RGS9: variants seen among roughly 807,000 people sequenced by gnomAD.
The protein encoded by RGS9 is regulator of G-protein signalling 9.
A neutral mutation model predicts 102.0 loss-of-function variants in RGS9; 78 were observed. The ratio of observed to expected loss-of-function variants is 0.76; its 90% CI spans 0.64 to 0.92. The LOEUF is 0.92. Among genes scored for constraint, RGS9 ranks in the 40% least tolerant of loss-of-function variants. The pLI, the probability that RGS9 is intolerant of heterozygous loss-of-function variation, is 0.00. For missense variants in RGS9, 833 were observed against 866.1 expected (o/e 0.96, Z 0.48); for synonymous variants, 353 against 318.6 (o/e 1.11, Z -1.15).
intron 1 of RGS9, among the ~76,000 whole-genome samples, chr17:65,150,895 C>T (rs192721329): frequency 1.1e-4 from 17 of 152,250 alleles, no homozygotes; most frequent in African/African-American, 3.9e-4. Context: ...ACAGCTTTCC[C>T]GTTAGTGAGG....
chr17:65,178,012 A>G (rs1004389549), intron 9 of RGS9, among the ~76,000 whole-genome samples: 1 of 152,186 alleles, frequency 6.6e-6, no homozygotes, highest in South Asian at 2.1e-4. Context: ...ACGACTGAAG[A>G]CAGACAGAGG....
At chr17:65,226,289 G>A (rs1239495482) in intron 18 of RGS9, among the ~76,000 whole-genome samples, 1 of 152,222 alleles carries the variant, frequency 6.6e-6, no homozygotes, top group Non-Finnish European at 1.5e-5. Context: ...ATCAACATGT[G>A]TTTGGCCTCG....
At chr17:65,159,676 T>C (rs918978110) in intron 3 of RGS9, among the ~76,000 whole-genome samples, 1 of 152,116 alleles carries the variant, frequency 6.6e-6, no homozygotes, top group Non-Finnish European at 1.5e-5. Context: ...ATTGATATAA[T>C]TGATAAACAA....
At chr17:65,150,821 A>G (rs1201346160) in intron 1 of RGS9, among the ~76,000 whole-genome samples, 1 of 152,108 alleles carries the variant, frequency 6.6e-6, no homozygotes, top group Non-Finnish European at 1.5e-5. Context: ...GTTGATCATG[A>G]CTGTGCCTGG....
At position 65,225,196 on chromosome 17, in the gene RGS9, G is replaced by T; in HGVS notation, c.1602G>T (p.Ser534=). 1 of 1,613,254 alleles carries T rather than the reference G, an allele frequency of 6.2e-7. No individual in the cohort carries two copies. Reference sequence around the variant, plus strand: ...TCAGAGTGGCCTTGGAGAGCTCATCGGGCTTGGAGCAGAAAGGGGAGTGCA... The same window carrying T: ...TCAGAGTGGCCTTGGAGAGCTCATCTGGCTTGGAGCAGAAAGGGGAGTGCA... ...SPIRVALESS[S]GLEQKGECSG... The change falls in exon 18 of 19, where the codon TCG becomes TCT. Residue 534 remains serine, a synonymous_variant. Coordinates refer to ENST00000262406, the MANE Select transcript of RGS9 (RefSeq NM_003835.4).
chr17:65,213,163 CG>C (rs56387761), intron 17 of RGS9, among the ~76,000 whole-genome samples: 28,527 of 152,028 alleles, frequency 0.19, 4,648 homozygotes, highest in African/African-American at 0.44. Flanking sequence ...ACTGGGAACC[CG>C]GGCTGGGGCA....
At chr17:65,145,839 G>A (rs921072848) in intron 1 of RGS9, among the ~76,000 whole-genome samples, 1 of 151,988 alleles carries the variant, frequency 6.6e-6, no homozygotes, top group Non-Finnish European at 1.5e-5. Context: ...AGACTGAGGA[G>A]ACGCCTCAGA....
intron 7 of RGS9, among the ~76,000 whole-genome samples, chr17:65,167,120 A>G (rs894808115): frequency 1.2e-4 from 18 of 152,338 alleles, no homozygotes; most frequent in African/African-American, 4.1e-4. Flanking sequence ...CTGGAGGAAG[A>G]AGGCCCTGCG....
At chr17:65,191,559 G>T (rs934107725) in intron 11 of RGS9, among the ~76,000 whole-genome samples, 20 of 151,904 alleles carry the variant, frequency 1.3e-4, no homozygotes, top group African/African-American at 4.8e-4. Context: ...AGACCAGCCT[G>T]GTCAAAATGG....
At chr17:65,166,412 T>C (rs1911182157) in intron 7 of RGS9, among the ~76,000 whole-genome samples, 1 of 152,242 alleles carries the variant, frequency 6.6e-6, no homozygotes, top group South Asian at 2.1e-4. Context: ...AATTCTGTAT[T>C]GATTCTTTGA....
At chr17:65,201,880 C>A in intron 13 of RGS9, 113 bp from the exon 14 acceptor site, 1 of 751,006 alleles carries the variant, frequency 1.3e-6, no homozygotes, top group Non-Finnish European at 2.4e-6. Context: ...AAGGTGTTCA[C>A]TGAGCTGGGA....
intron 1 of RGS9, among the ~76,000 whole-genome samples, chr17:65,146,758 C>A (rs943690799): frequency 1.4e-5 from 2 of 147,678 alleles, no homozygotes; most frequent in Non-Finnish European, 3.0e-5. Flanking sequence ...AGCGTAGTGG[C>A]GCGCGCCTGT....
intron 2 of RGS9, among the ~76,000 whole-genome samples, chr17:65,155,044 CTT>C (rs1359683356): frequency 6.6e-6 from 1 of 152,206 alleles, no homozygotes; most frequent in African/African-American, 2.4e-5. Flanking sequence ...AAGACCCACT[CTT>C]TTGTTGGAGC....
chr17:65,147,248 G>A (rs547984251), intron 1 of RGS9, among the ~76,000 whole-genome samples: 4 of 152,324 alleles, frequency 2.6e-5, no homozygotes, highest in Admixed American at 2.6e-4. Context: ...AGAGGAAGCT[G>A]ACAGTCAGTC....
chr17:65,212,470 C>T (rs59203896), intron 17 of RGS9, among the ~76,000 whole-genome samples: 4,279 of 152,214 alleles, frequency 0.028, 208 homozygotes, highest in African/African-American at 0.096. Context: ...GCATGTGGAC[C>T]AGGCAGGGAG....
rs148262202 is a variant in RGS9, at chr17:65,188,284, C to A, written c.655-1002C>A. ...CCTCTTGGAACTGTCCTTTCTTTCT[C>A]TGCCTTAACTCAAAAAGTTGAGAGG... On this transcript the variant is annotated intron_variant, in intron 9 of 18. Transcript: ENST00000262406. Among the ~76,000 whole-genome samples, 1,061 of 152,272 alleles carry A rather than the reference C, an allele frequency of 7.0e-3. 13 individuals are homozygous for A. Among genetic ancestry groups the A allele is most frequent in the African/African-American group, 0.024 (978 of 41,546 alleles).
In RGS9 at chr17:65,197,178, G is replaced by C; in HGVS notation, c.913G>C (p.Glu305Gln). ...RVERWAFNFS[E>Q]LIRDPKGRQS... ...GGAACGATGGGCCTTCAACTTCAGCGAATTGATCCGAGACCCCAAAGGTCG... is the reference window on the plus strand; with the variant it reads ...GGAACGATGGGCCTTCAACTTCAGCCAATTGATCCGAGACCCCAAAGGTCG... The change falls in exon 13 of 19, where the codon GAA becomes CAA. Residue 305 changes from glutamate to glutamine, a missense_variant. Coordinates refer to ENST00000262406, the MANE Select transcript of RGS9 (RefSeq NM_003835.4). The C allele has an allele frequency of 1.2e-6, 2 of 1,613,966 alleles. No homozygotes were observed.
At chr17:65,152,891 A>G (rs1910632894) in intron 1 of RGS9, among the ~76,000 whole-genome samples, 1 of 151,956 alleles carries the variant, frequency 6.6e-6, no homozygotes, top group Non-Finnish European at 1.5e-5. Flanking sequence ...ACTTTTTTCT[A>G]CCTCTGCAAA....
intron 9 of RGS9, among the ~76,000 whole-genome samples, chr17:65,181,523 G>A (rs1367117213): frequency 1.3e-5 from 2 of 152,258 alleles, no homozygotes; most frequent in East Asian, 1.9e-4. Flanking sequence ...GCAGCTGGGA[G>A]GGACTGGCCA....
Sources: gnomAD v4.1 joint callset for allele counts (sites outside exome capture counted in the v4.1 genomes callset) on GRCh38, gnomAD v4.1.1 for gene constraint, MANE v1.5 for transcripts, NCBI Gene and HGNC (gene_info 2026-07-23, HGNC 2026-07-21) for gene names.